Variants in RACK1 observed in about 807,000 individuals in gnomAD.
RACK1 encodes small ribosomal subunit protein RACK1.
A neutral mutation model predicts 42.2 loss-of-function variants in RACK1; 3 were observed. The ratio of observed to expected loss-of-function variants is 0.07; its 90% CI spans 0.03 to 0.18. The LOEUF is 0.18. RACK1 is among the 10% of genes least tolerant of loss of function. The probability of loss-of-function intolerance (pLI) is 1.00; values close to 1 mark genes in which losing one functional copy is unlikely to be tolerated. For synonymous variants in RACK1, 181 were observed against 154.8 expected (o/e 1.17, Z -1.25); for missense variants, 146 against 403.2 (o/e 0.36, Z 5.46).
At chr5:181,243,314 G>A (rs750592539) in intron 1 of RACK1, 5 of 1,361,986 alleles carry the variant, frequency 3.7e-6, no homozygotes, top group South Asian at 3.4e-5. Flanking sequence ...CCGGGCGGCA[G>A]CTCAGAAACA....
intron 4 of RACK1, 68 bp from the exon 5 acceptor site, chr5:181,239,245 A>G: frequency 9.3e-7 from 1 of 1,072,798 alleles, no homozygotes; most frequent in South Asian, 1.3e-5. Context: ...GCCCAACAAA[A>G]AAGGGCTTGG....
At chr5:181,239,262 T>A in intron 4 of RACK1, 85 bp from the exon 5 acceptor site, 1 of 902,656 alleles carries the variant, frequency 1.1e-6, no homozygotes, top group Non-Finnish European at 1.9e-6. Context: ...TTGGCACTTC[T>A]GGATACGGTA....
intron 1 of RACK1, 21 bp from the exon 2 acceptor site, chr5:181,242,366 G>C (rs574279434): frequency 1.3e-6 from 2 of 1,581,344 alleles, no homozygotes; most frequent in East Asian, 2.2e-5. Context: ...TAAAACAGAA[G>C]AAAAATCAGT....
intron 3 of RACK1, 72 bp from the exon 4 acceptor site, chr5:181,239,654 C>A (rs1230225423): frequency 4.3e-6 from 4 of 927,998 alleles, no homozygotes; most frequent in South Asian, 1.4e-5. Context: ...CAGCCCTACC[C>A]CTCAGTAGGA....
intron 3 of RACK1, chr5:181,241,124 GAAAAA>G (rs34883535): frequency 1.5e-5 from 2 of 133,854 alleles, no homozygotes; most frequent in South Asian, 2.1e-4. Flanking sequence ...CTGTCTCCGA[GAAAAA>G]AAAAAAAAAA....
At chr5:181,241,320 C>T (rs1027434757) in intron 3 of RACK1, 172 bp downstream of exon 3, 5 of 610,456 alleles carry the variant, frequency 8.2e-6, no homozygotes, top group Non-Finnish European at 2.9e-6. Context: ...GTACCAGCTA[C>T]TCGGGAGACT....
chr5:181,243,279 C>T, intron 1 of RACK1: 1 of 1,356,126 alleles, frequency 7.4e-7, no homozygotes, highest in Non-Finnish European at 9.8e-7. Context: ...CTCTGGAGTC[C>T]ACCTGCCTCC....
At chr5:181,243,143 C>G (rs1759415982) in intron 1 of RACK1, 2 of 613,466 alleles carry the variant, frequency 3.3e-6, no homozygotes, top group Non-Finnish European at 5.1e-6. Context: ...AAAAGTCAGA[C>G]AATTCTTAAC....
intron 7 of RACK1, chr5:181,237,305 G>A (rs1384119479): frequency 1.4e-6 from 1 of 728,290 alleles, no homozygotes; most frequent in East Asian, 2.7e-5. Flanking sequence ...GCTTGTAAGT[G>A]GTGGTTATGT....
rs554014729 is a variant in RACK1, at chr5:181,238,330, C to G, written c.637-91G>C. ...AGATTCTGTCAGAATCAATTCTTAC[C>G]TTTCCTCCATTACCCCAGGCTTCTT... On this transcript the variant is annotated intron_variant, in intron 5 of 7. Transcript: ENST00000512805. The G allele has an allele frequency of 3.8e-4, 524 of 1,361,166 alleles. 1 individual carries two copies. The African/African-American group carries it at 6.5e-3, about 17-fold the overall frequency. 84.3% of individuals were successfully genotyped at this position (1,361,166 alleles called of 1,614,324 possible). A position where few individuals can be genotyped will look rare whatever the true frequency, so the allele number is the denominator to read the frequency against.
At chr5:181,243,578 C>T in intron 1 of RACK1, 114 bp downstream of exon 1, 1 of 1,438,428 alleles carries the variant, frequency 7.0e-7, no homozygotes, top group Non-Finnish European at 9.4e-7. Context: ...GTCTGTCAGT[C>T]CCCGCCAACT....
intron 3 of RACK1, among the ~76,000 whole-genome samples, 170 bp from the exon 4 acceptor site, chr5:181,239,752 T>A (rs1473532523): frequency 1.3e-5 from 2 of 152,128 alleles, no homozygotes; most frequent in African/African-American, 4.8e-5. Context: ...GAAAATTTTT[T>A]AAAAATTTAG....
At chr5:181,237,234 C>A (rs1759172047) in intron 7 of RACK1, 192 bp from the exon 8 acceptor site, 1 of 1,109,062 alleles carries the variant, frequency 9.0e-7, no homozygotes. Context: ...CCTCAGCCTC[C>A]AGTAGGCATG....
rs185952721 is a variant in RACK1, at chr5:181,236,942, T to G, written c.*35A>C. The G allele has an allele frequency of 4.6e-4, 623 of 1,346,668 alleles. 1 individual carries two copies. In the African/African-American group the frequency reaches 0.013, roughly 27 times the overall value. 83.4% of individuals were successfully genotyped at this position (1,346,668 alleles called of 1,614,324 possible). A position where few individuals can be genotyped will look rare whatever the true frequency, so the allele number is the denominator to read the frequency against. ...AAAACCTAAAAGTCAGAAAAGCCAG[T>G]TTTTTTTTTATTTGTAAAGCTCTGC... On this transcript the variant is annotated 3_prime_UTR_variant, in exon 8 of 8. Coordinates refer to ENST00000512805, the MANE Select transcript of RACK1 (RefSeq NM_006098.5).
In RACK1 at chr5:181,237,387, T is replaced by C. The variant is rs1759179885; in HGVS notation, c.888+222A>G. On this transcript the variant is annotated intron_variant, in intron 7 of 7. Coordinates refer to ENST00000512805, the MANE Select transcript of RACK1 (RefSeq NM_006098.5). The stretch of plus-strand genomic sequence containing the variant: ...AAACTGGTCAGATTAATTAAGGTAT[T>C]AATTGAAGGCTGACAGCCACTGCGT... The C allele has an allele frequency of 4.3e-6, 3 of 698,786 alleles. No individual in the cohort carries two copies. The Admixed American group carries it at 6.1e-5, about 14-fold the overall frequency. The allele number at this position is 698,786 out of a possible 1,614,324, so 43.3% of individuals were successfully genotyped here. A position where few individuals can be genotyped will look rare whatever the true frequency, so the allele number is the denominator to read the frequency against.
intron 5 of RACK1, 80 bp from the exon 6 acceptor site, chr5:181,238,319 T>A: frequency 6.8e-7 from 1 of 1,468,258 alleles, no homozygotes; most frequent in Admixed American, 1.7e-5. Context: ...TCTGTCAGAA[T>A]CAATTCTTAC....
At chr5:181,241,730 G>T in intron 2 of RACK1, 91 bp from the exon 3 acceptor site, 1 of 1,354,844 alleles carries the variant, frequency 7.4e-7, no homozygotes, top group Non-Finnish European at 1.1e-6. Context: ...CTGTCTCATT[G>T]CATCACTCAT....
At position 181,239,504 on chromosome 5, in the gene RACK1, A is replaced by G; in HGVS notation, c.508T>C (p.Trp170Arg). ...ACGCTCACCTTGACCAGCTTGTCCC[A>G]GCCACAGGAGACGATGATAGGGTTG... ...SSNPIIVSCG[W>R]DKLVKVWNLA... is the part of the protein sequence containing the mutation. Residue 170 changes from tryptophan to arginine, a missense_variant, in exon 4 of 8, where the codon TGG (tryptophan) becomes CGG (arginine). Transcript: ENST00000512805. The G allele has an allele frequency of 1.2e-5, 20 of 1,613,614 alleles. No homozygotes were observed. Among genetic ancestry groups the G allele is most frequent in the Non-Finnish European group, 1.7e-5 (20 of 1,179,522 alleles).
rs770385704 is a variant in RACK1, at chr5:181,241,871, G to A, written c.282-232C>T. The A allele has an allele frequency of 1.6e-5, 12 of 769,186 alleles. No homozygotes were observed. In the South Asian group the frequency reaches 1.6e-4, roughly 10 times the overall value. The allele number at this position is 769,186 out of a possible 1,614,324, so 47.6% of individuals were successfully genotyped here. ...TCCCACTTGGGGATTGGCTGACAAT[G>A]CCATCTGTCATCACCAGGACCCTCT... On this transcript the variant is annotated intron_variant, in intron 2 of 7. Transcript: ENST00000512805.
Sources: allele counts gnomAD v4.1 joint callset (sites outside exome capture counted in the v4.1 genomes callset), GRCh38; gene constraint gnomAD v4.1.1; transcripts MANE v1.5; gene names NCBI Gene and HGNC (gene_info 2026-07-23, HGNC 2026-07-21).